IYD: variants seen among roughly 807,000 people sequenced by gnomAD.
IYD encodes iodotyrosine deiodinase.
IYD carries 25 observed loss-of-function variants against 28.4 expected under a neutral mutation model. That is an observed-to-expected ratio of 0.88 (90% CI 0.64 to 1.23). The LOEUF is 1.23. IYD is among the 50% of genes most tolerant of loss of function. IYD has a pLI of 0.00. For synonymous variants in IYD, 140 were observed against 130.8 expected (o/e 1.07, Z -0.48); for missense variants, 352 against 357.9 (o/e 0.98, Z 0.13).
intron 1 of IYD, among the ~76,000 whole-genome samples, chr6:150,373,729 C>T (rs563980967): frequency 6.6e-6 from 1 of 152,332 alleles, no homozygotes; most frequent in East Asian, 1.9e-4. Context: ...CAGCCCACCA[C>T]TGCCAAAAAT....
intron 1 of IYD, among the ~76,000 whole-genome samples, chr6:150,383,516 C>G (rs559044637): frequency 6.6e-6 from 1 of 152,194 alleles, no homozygotes; most frequent in African/African-American, 2.4e-5. Flanking sequence ...ATATATCTTA[C>G]AAAGGATTTC....
At chr6:150,384,692 G>T (rs1300164731) in intron 1 of IYD, 1 of 152,132 alleles carries the variant, frequency 6.6e-6, no homozygotes, top group African/African-American at 2.4e-5. Flanking sequence ...TAAGTGAAAT[G>T]AAGAAACAGT....
Position 150,390,046 on chromosome 6 carries a change from C to A in IYD, c.370+503C>A, listed in dbSNP as rs188523219. On this transcript the variant is annotated intron_variant, in intron 2 of 4. Coordinates refer to ENST00000344419, the MANE Select transcript of IYD (RefSeq NM_203395.3). ...CAGTAAAACAAAGCAAGAAAAAACC[C>A]ATTTTTAATGTAAATTAATATTTCC... 2.1e-3 allele frequency among the ~76,000 whole-genome samples: 323 copies of A among 152,144 alleles called. 1 individual carries two copies. Among genetic ancestry groups the A allele is most frequent in the South Asian group, 0.016 (79 of 4,824 alleles).
At chr6:150,388,128 G>A (rs1777947022) in intron 1 of IYD, among the ~76,000 whole-genome samples, 1 of 152,152 alleles carries the variant, frequency 6.6e-6, no homozygotes, top group South Asian at 2.1e-4. Flanking sequence ...GACAACTGGG[G>A]TACTTTCAGG....
At position 150,404,172 on chromosome 6, in the gene IYD, A is replaced by C. The variant is rs1778587336; in HGVS notation, c.*5935A>C. The stretch of plus-strand genomic sequence containing the variant: ...GGGCATGAGTCCTTGACAATAGTAA[A>C]TAGCACCTCTGTTCCCTTATTGGGT... On this transcript the variant is annotated 3_prime_UTR_variant, in exon 5 of 5. Coordinates refer to ENST00000344419, the MANE Select transcript of IYD (RefSeq NM_203395.3). 1 of 152,218 alleles carries C rather than the reference A, an allele frequency of 6.6e-6. No homozygotes were observed. Among genetic ancestry groups the C allele is most frequent in the Non-Finnish European group, 1.5e-5 (1 of 68,028 alleles). 9.4% of individuals were successfully genotyped at this position (152,218 alleles called of 1,614,324 possible).
At position 150,389,545 on chromosome 6, in the gene IYD, T is replaced by C. The variant is rs77732289; in HGVS notation, c.370+2T>C. 3.1e-6 allele frequency: 5 copies of C among 1,610,760 alleles called. No individual in the cohort carries two copies. The highest frequency in any genetic ancestry group is 4.2e-6 in the Non-Finnish European group (5 of 1,178,782). On this transcript the variant is annotated splice_donor_variant, in intron 2 of 4. Coordinates refer to ENST00000344419, the MANE Select transcript of IYD (RefSeq NM_203395.3). LOFTEE classifies it high-confidence loss of function. ...TTGATAATGTCATCAGAACGGCAGG[T>C]TTGTAATTGCAGATGGGGTCTTTGG... is the stretch of plus-strand genomic sequence containing the variant.
chr6:150,389,323 T>C (rs1393806083), intron 1 of IYD, 29 bp from the exon 2 acceptor site: 1 of 1,581,706 alleles, frequency 6.3e-7, no homozygotes, highest in Non-Finnish European at 8.7e-7. Context: ...GATCATTTAG[T>C]TTGTTACCTT....
rs1778395883 is a variant in IYD, at chr6:150,398,181, G to A, written c.814G>A (p.Ala272Thr). The stretch of plus-strand genomic sequence containing the variant: ...CCCCGTGGGGTACCCCAGCAAGGAG[G>A]CCACGGTGCCTGACCTCAAGCGCAA... ...LLPVGYPSKE[A>T]TVPDLKRKPL... The change falls in exon 5 of 5, where the codon GCC becomes ACC. Residue 272 changes from alanine to threonine, a missense_variant. Coordinates refer to ENST00000344419, the MANE Select transcript of IYD (RefSeq NM_203395.3). The A allele has an allele frequency of 6.2e-7, 1 of 1,614,164 alleles. No individual in the cohort carries two copies. The highest frequency in any genetic ancestry group is 8.5e-7 in the Non-Finnish European group (1 of 1,180,024).
intron 4 of IYD, chr6:150,395,372 T>C: frequency 6.6e-7 from 1 of 1,522,402 alleles, no homozygotes; most frequent in South Asian, 1.2e-5. Context: ...TCCCAAAATG[T>C]AGTCATTGAA....
intron 4 of IYD, among the ~76,000 whole-genome samples, chr6:150,397,515 A>G (rs868250795): frequency 5.4e-5 from 8 of 147,008 alleles, no homozygotes; most frequent in African/African-American, 2.0e-4. Flanking sequence ...GGTTACAGTG[A>G]GCCGAGATCA....
At chr6:150,378,861 A>G (rs1007114818) in intron 1 of IYD, among the ~76,000 whole-genome samples, 2 of 152,188 alleles carry the variant, frequency 1.3e-5, no homozygotes, top group African/African-American at 4.8e-5. Context: ...TTGTGGCACT[A>G]TTCACAATAG....
chr6:150,370,525 G>T, intron 1 of IYD: 4 of 985,432 alleles, frequency 4.1e-6, no homozygotes, highest in Non-Finnish European at 4.8e-6. Flanking sequence ...CTGTAGTGCT[G>T]ACTGCACCGT....
Position 150,398,203 on chromosome 6 carries a change from G to T in IYD, c.836G>T (p.Arg279Leu). The T allele has an allele frequency of 6.2e-7, 1 of 1,614,132 alleles. No individual in the cohort carries two copies. The highest frequency in any genetic ancestry group is 8.5e-7 in the Non-Finnish European group (1 of 1,180,030). The change falls in exon 5 of 5, where the codon CGC becomes CTC. Residue 279 changes from arginine to leucine, a missense_variant. Physicochemically the swap from Arg to Leu is moderately radical, Grantham distance 102. Transcript: ENST00000344419. ...SKEATVPDLK[R>L]KPLDQIMVTV ...GAGGCCACGGTGCCTGACCTCAAGC[G>T]CAAACCTCTGGACCAGATCATGGTG...
Position 150,398,178 on chromosome 6 carries a change from G to A in IYD, c.811G>A (p.Glu271Lys), listed in dbSNP as rs36063028. 0.012 allele frequency: 19,889 copies of A among 1,614,114 alleles called. 2,110 individuals are homozygous for A. The African/African-American group carries it at 0.23, about 18-fold the overall frequency. Reference protein sequence around the residue: ...MLLPVGYPSKEATVPDLKRKP... With the variant: ...MLLPVGYPSKKATVPDLKRKP... Reference sequence around the variant, plus strand: ...GCTCCCCGTGGGGTACCCCAGCAAGGAGGCCACGGTGCCTGACCTCAAGCG... The same window carrying A: ...GCTCCCCGTGGGGTACCCCAGCAAGAAGGCCACGGTGCCTGACCTCAAGCG... The change falls in exon 5 of 5, where the codon GAG becomes AAG. Residue 271 changes from glutamate (E) to lysine (K), a missense_variant. Coordinates refer to ENST00000344419, the MANE Select transcript of IYD (RefSeq NM_203395.3).
chr6:150,382,351 C>T (rs2115032784), intron 1 of IYD, among the ~76,000 whole-genome samples: 1 of 152,248 alleles, frequency 6.6e-6, no homozygotes, highest in East Asian at 1.9e-4. Flanking sequence ...GGTTTTGATC[C>T]CAAAGCTACT....
At chr6:150,385,236 C>T (rs1777816663) in intron 1 of IYD, 1 of 152,130 alleles carries the variant, frequency 6.6e-6, no homozygotes, top group Non-Finnish European at 1.5e-5. Flanking sequence ...CTTCTAAAAG[C>T]TTTAAAAATT....
chr6:150,390,453 G>A (rs1778072810), intron 2 of IYD, among the ~76,000 whole-genome samples: 2 of 152,128 alleles, frequency 1.3e-5, no homozygotes, highest in Non-Finnish European at 2.9e-5. Flanking sequence ...CAAATATTTA[G>A]TAAACAAATA....
chr6:150,373,415 C>T (rs1777342454), intron 1 of IYD, among the ~76,000 whole-genome samples: 1 of 152,274 alleles, frequency 6.6e-6, no homozygotes, highest in South Asian at 2.1e-4. Context: ...GGTGCACTCA[C>T]TCCAGGGCCA....
intron 1 of IYD, among the ~76,000 whole-genome samples, chr6:150,388,439 A>G: frequency 6.6e-6 from 1 of 152,122 alleles, no homozygotes; most frequent in South Asian, 2.1e-4. Flanking sequence ...TGGCCTGCAA[A>G]TTTCTTGCTA....
Sources: allele counts gnomAD v4.1 joint callset (sites outside exome capture counted in the v4.1 genomes callset), GRCh38; gene constraint gnomAD v4.1.1; transcripts MANE v1.5; gene names NCBI Gene and HGNC (gene_info 2026-07-23, HGNC 2026-07-21).